CDC42BPA: variants seen among roughly 807,000 people sequenced by gnomAD.
The protein encoded by CDC42BPA is serine/threonine-protein kinase MRCK alpha.
Under a neutral mutation model 223.5 loss-of-function variants are expected in CDC42BPA, and 80 were observed. The observed-to-expected ratio is 0.36, with a 90% confidence interval of 0.30 to 0.43. CDC42BPA has a LOEUF of 0.43. Among genes scored for constraint, CDC42BPA ranks in the 20% least tolerant of loss-of-function variants. The pLI is 1.00. For missense variants in CDC42BPA, 1,743 were observed against 2,099.9 expected (o/e 0.83, Z 3.32); for synonymous variants, 694 against 718.6 (o/e 0.97, Z 0.55).
At chr1:227,219,300 A>G (rs1675417338) in intron 2 of CDC42BPA, 1 of 152,280 alleles carries the variant, frequency 6.6e-6, no homozygotes, top group African/African-American at 2.4e-5. Context: ...GCAAGCTTTC[A>G]CAACAAGCTC....
intron 1 of CDC42BPA, among the ~76,000 whole-genome samples, chr1:227,268,896 GCTGGTCTCAAACTC>G (rs1166832209): frequency 6.6e-6 from 1 of 151,944 alleles, no homozygotes; most frequent in Non-Finnish European, 1.5e-5. Context: ...TGTTGCCCAG[GCTGGTCTCAAACTC>G]CTGGGCTCAA....
intron 11 of CDC42BPA, among the ~76,000 whole-genome samples, chr1:227,128,754 T>C (rs1028061751): frequency 6.6e-6 from 1 of 152,130 alleles, no homozygotes; most frequent in Non-Finnish European, 1.5e-5. Flanking sequence ...ACTCACCTTT[T>C]CCTCTCCTCA....
At chr1:227,275,957 TCCACCTC>T (rs1686909397) in intron 1 of CDC42BPA, among the ~76,000 whole-genome samples, 1 of 151,986 alleles carries the variant, frequency 6.6e-6, no homozygotes, top group Non-Finnish European at 1.5e-5. Context: ...CGCTACAACC[TCCACCTC>T]CCAGCCACCT....
In CDC42BPA at chr1:226,994,728, G is replaced by A. The variant is rs1661258920; in HGVS notation, c.5133+95C>T. 1 of 1,302,548 alleles carries A rather than the reference G, an allele frequency of 7.7e-7. No individual in the cohort carries two copies. The highest frequency in any genetic ancestry group is 2.2e-5 in the Admixed American group (1 of 46,242). 80.7% of individuals were successfully genotyped at this position (1,302,548 alleles called of 1,614,324 possible). On this transcript the variant is annotated intron_variant, in intron 36 of 36. Transcript: ENST00000366766. The surrounding 1 kb of genome is among the most constrained non-coding windows in gnomAD (Gnocchi z 4.0). ...ATGCTGGCCCCTGACCCCGAACCCT[G>A]CTGCAGCTGAGGCCAATCCCAAGGT... is the stretch of plus-strand genomic sequence containing the variant.
At chr1:227,166,949 AAAG>A (rs1392940256) in intron 5 of CDC42BPA, among the ~76,000 whole-genome samples, 3 of 152,286 alleles carry the variant, frequency 2.0e-5, no homozygotes, top group Admixed American at 1.3e-4. Context: ...ACCTGAACAG[AAAG>A]AAGGTTACAC....
chr1:227,019,273 TACA>T (rs1666920664), intron 32 of CDC42BPA, among the ~76,000 whole-genome samples: 1 of 152,198 alleles, frequency 6.6e-6, no homozygotes, highest in South Asian at 2.1e-4. Flanking sequence ...ACCCATGAGA[TACA>T]ACACCTCATC....
chr1:227,282,844 T>C (rs986940893), intron 1 of CDC42BPA, among the ~76,000 whole-genome samples: 5 of 152,152 alleles, frequency 3.3e-5, no homozygotes, highest in African/African-American at 1.2e-4. Context: ...GTATGGAAAG[T>C]GGGAGTAAAG....
At chr1:227,190,391 G>C (rs1669514139) in intron 5 of CDC42BPA, among the ~76,000 whole-genome samples, 1 of 152,160 alleles carries the variant, frequency 6.6e-6, no homozygotes, top group South Asian at 2.1e-4. Flanking sequence ...CTGAATCACA[G>C]AATTTGTGTT....
chr1:227,163,740 A>T (rs548994712), intron 5 of CDC42BPA, among the ~76,000 whole-genome samples: 2,866 of 141,756 alleles, frequency 0.02, 35 homozygotes, highest in South Asian at 0.03. Flanking sequence ...GTAAAAAAAA[A>T]AAATATATAT....
chr1:227,191,865 T>A (rs1669767538), intron 5 of CDC42BPA, among the ~76,000 whole-genome samples: 1 of 151,782 alleles, frequency 6.6e-6, no homozygotes, highest in African/African-American at 2.4e-5. Flanking sequence ...ATGCCTGTAA[T>A]CCCAACACTT....
intron 30 of CDC42BPA, 94 bp downstream of exon 30, chr1:227,028,563 T>C (rs1668691352): frequency 2.4e-6 from 2 of 830,958 alleles, no homozygotes; most frequent in Non-Finnish European, 3.7e-6. Context: ...TTTAAAAAAC[T>C]GTTATCAACA....
At chr1:227,263,710 T>C (rs1398882675) in intron 1 of CDC42BPA, among the ~76,000 whole-genome samples, 1 of 151,824 alleles carries the variant, frequency 6.6e-6, no homozygotes, top group East Asian at 1.9e-4. Flanking sequence ...GGCTCCCAAG[T>C]AGCTGGGATT....
chr1:227,237,333 A>G (rs925501213), intron 2 of CDC42BPA, among the ~76,000 whole-genome samples: 4 of 152,208 alleles, frequency 2.6e-5, no homozygotes, highest in Non-Finnish European at 2.9e-5. Context: ...GCTCCCACTT[A>G]TAAGTGTCAC....
At chr1:227,193,973 T>A (rs745535503) in intron 4 of CDC42BPA, 39 bp from the exon 5 acceptor site, 7 of 1,485,838 alleles carry the variant, frequency 4.7e-6, no homozygotes, top group Non-Finnish European at 6.4e-6. Context: ...AGTAAACTAA[T>A]AAGGGTGAAA....
intron 1 of CDC42BPA, among the ~76,000 whole-genome samples, chr1:227,270,408 C>T (rs552580677): frequency 1.3e-5 from 2 of 152,066 alleles, no homozygotes; most frequent in South Asian, 4.2e-4. Flanking sequence ...AGAGAACCAC[C>T]TGATTAAAAA....
intron 6 of CDC42BPA, among the ~76,000 whole-genome samples, chr1:227,154,409 T>C (rs918932190): frequency 2.0e-5 from 3 of 151,946 alleles, no homozygotes; most frequent in South Asian, 2.1e-4. Flanking sequence ...CATATAAAGA[T>C]TGTGAAGAAA....
chr1:227,254,917 T>C (rs1682786555), intron 1 of CDC42BPA, among the ~76,000 whole-genome samples: 1 of 152,082 alleles, frequency 6.6e-6, no homozygotes, highest in South Asian at 2.1e-4. Flanking sequence ...GAGGGAACAA[T>C]ATAAGCAAAT....
At chr1:227,253,252 G>GAGAGAGCGAGAC (rs1682376550) in intron 2 of CDC42BPA, among the ~76,000 whole-genome samples, 1 of 106,046 alleles carries the variant, frequency 9.4e-6, no homozygotes, top group Non-Finnish European at 2.0e-5. Flanking sequence ...GAGAGCGAGA[G>GAGAGAGCGAGAC]AGAGAGCGAG....
At chr1:227,157,075 T>C (rs2149776884) in intron 6 of CDC42BPA, among the ~76,000 whole-genome samples, 1 of 152,358 alleles carries the variant, frequency 6.6e-6, no homozygotes, top group South Asian at 2.1e-4. Flanking sequence ...GTCATATCCT[T>C]TACTTCTACA....
Sources: gnomAD v4.1 joint callset for allele counts (sites outside exome capture counted in the v4.1 genomes callset) on GRCh38, gnomAD v4.1.1 for gene constraint, Gnocchi (gnomAD v3.1) non-coding constraint, MANE v1.5 for transcripts, NCBI Gene and HGNC (gene_info 2026-07-23, HGNC 2026-07-21) for gene names.